Variants in CREBBP observed in about 807,000 individuals in gnomAD.
CREBBP encodes CREB-binding protein.
CREBBP carries 19 observed loss-of-function variants against 265.0 expected under a neutral mutation model. That is an observed-to-expected ratio of 0.07 (90% CI 0.05 to 0.11). CREBBP has a LOEUF of 0.11. Among genes scored for constraint, CREBBP ranks in the 10% least tolerant of loss-of-function variants. The pLI is 1.00. For synonymous variants in CREBBP, 1,457 were observed against 1,223.7 expected (o/e 1.19, Z -3.98); for missense variants, 2,525 against 3,219.0 (o/e 0.78, Z 5.22).
At chr16:3,775,865 A>G (rs1437623322) in intron 11 of CREBBP, among the ~76,000 whole-genome samples, 1 of 151,606 alleles carries the variant, frequency 6.6e-6, no homozygotes, top group African/African-American at 2.4e-5. Flanking sequence ...CCAATCCCCA[A>G]CACAGCATCC....
In CREBBP at chr16:3,739,719, A is replaced by G. The variant is rs757859569; in HGVS notation, c.4139T>C (p.Val1380Ala). 2 of 1,614,268 alleles carry G rather than the reference A, an allele frequency of 1.2e-6. No homozygotes were observed. Among genetic ancestry groups the G allele is most frequent in the Non-Finnish European group, 1.7e-6 (2 of 1,180,052 alleles). ...AGATTCAGACATTTCCCCAGAATCC[A>G]CAAACCTGAAACAAAAGCCAGAGCC... Reference protein sequence around the residue: ...EVKPGMKSRFVDSGEMSESFP... With the variant: ...EVKPGMKSRFADSGEMSESFP... Residue 1380 changes from valine (V) to alanine (A), a missense_variant, in exon 25 of 31, where the codon GTG becomes GCG. Val to Ala is a moderately conservative substitution (Grantham distance 64, BLOSUM62 0). Around this residue, in one of 19 missense-constraint regions of CREBBP, gnomAD observed 252 missense variants for 452.5 expected, o/e 0.56. Coordinates refer to ENST00000262367, the MANE Select transcript of CREBBP (RefSeq NM_004380.3).
rs528323111 is a variant in CREBBP at position 3,767,727 on chromosome 16, G to C, written c.3243C>G (p.Arg1081=). ...AATGAATAAATGGCCTACTTTTTTT[G>C]CGCGGCTGCGAAGGAGATGTTGACT... ...ASQSTSPSQP[R]KKIFKPEELR... The change falls in exon 16 of 31, where the codon CGC becomes CGG. Residue 1081 remains arginine (R), a synonymous_variant. Transcript: ENST00000262367. 6.2e-7 allele frequency: 1 copy of C among 1,614,066 alleles called. No homozygotes were observed. Among genetic ancestry groups the C allele is most frequent in the Non-Finnish European group, 8.5e-7 (1 of 1,179,998 alleles).
chr16:3,869,462 A>T (rs924767285), intron 1 of CREBBP, among the ~76,000 whole-genome samples: 16 of 152,252 alleles, frequency 1.1e-4, no homozygotes, highest in African/African-American at 3.4e-4. Flanking sequence ...ATCGTTTTAA[A>T]GGAACTTTGT....
At position 3,759,010 on chromosome 16, in the gene CREBBP, G is replaced by A. The variant is rs373290051; in HGVS notation, c.3251-38C>T. On this transcript the variant is annotated intron_variant, in intron 16 of 30. Transcript: ENST00000262367. ...CATCAAGAAAAGACACTTTGTAAAA[G>A]GTGCTCAGATCCCTCCTACCTCACA... The A allele has an allele frequency of 3.4e-5, 51 of 1,479,374 alleles. No individual in the cohort carries two copies. In the African/African-American group the frequency reaches 6.0e-4, roughly 17 times the overall value. 91.6% of individuals were successfully genotyped at this position (1,479,374 alleles called of 1,614,324 possible).
In CREBBP at chr16:3,769,187, TCCC is replaced by T. The variant is rs2052936208; in HGVS notation, c.3044_3046del (p.Gly1015del). Reference sequence around the variant, plus strand: ...AGCGGCACCCACCTCAGACCTGGGCTCCCCTTTGGATTCACCAGGATCGGGCTC... The same window carrying T: ...AGCGGCACCCACCTCAGACCTGGGCTCTTTGGATTCACCAGGATCGGGCTC... On this transcript the variant is annotated inframe_deletion, in exon 15 of 31. Coordinates refer to ENST00000262367, the MANE Select transcript of CREBBP (RefSeq NM_004380.3). 5 of 1,614,074 alleles carry T rather than the reference TCCC, an allele frequency of 3.1e-6. No individual in the cohort carries two copies. The highest frequency in any genetic ancestry group is 4.2e-6 in the Non-Finnish European group (5 of 1,180,028).
chr16:3,769,054 T>G, intron 15 of CREBBP, 120 bp downstream of exon 15: 1 of 1,163,462 alleles, frequency 8.6e-7, no homozygotes. Flanking sequence ...CGAACCCACA[T>G]TCAAACAGAA....
At chr16:3,751,485 G>C (rs995962895) in intron 20 of CREBBP, among the ~76,000 whole-genome samples, 6 of 152,052 alleles carry the variant, frequency 3.9e-5, no homozygotes, top group African/African-American at 1.2e-4. Context: ...CCAGCTACTT[G>C]AGAGGCTGAG....
intron 5 of CREBBP, among the ~76,000 whole-genome samples, chr16:3,791,008 A>T (rs2053496204): frequency 6.6e-6 from 1 of 152,178 alleles, no homozygotes; most frequent in Non-Finnish European, 1.5e-5. Flanking sequence ...AGAGGAATGA[A>T]CACGTAATAC....
At chr16:3,879,358 G>GT (rs1408328348) in intron 1 of CREBBP, among the ~76,000 whole-genome samples, 1 of 152,168 alleles carries the variant, frequency 6.6e-6, no homozygotes, top group Admixed American at 6.6e-5. Flanking sequence ...GGCGGCTGCT[G>GT]TGAGTGTCCT....
At chr16:3,801,049 C>T (rs2053702190) in intron 3 of CREBBP, among the ~76,000 whole-genome samples, 2 of 152,178 alleles carry the variant, frequency 1.3e-5, no homozygotes, top group South Asian at 2.1e-4. Context: ...ATTGAAGACA[C>T]ACACATCCCC....
chr16:3,858,997 C>A (rs1476252336), intron 1 of CREBBP, among the ~76,000 whole-genome samples: 1 of 152,194 alleles, frequency 6.6e-6, no homozygotes, highest in African/African-American at 2.4e-5. Context: ...TTCTCTTCCT[C>A]ACCCACTCCT....
At chr16:3,789,013 G>C (rs1400881785) in intron 5 of CREBBP, among the ~76,000 whole-genome samples, 2 of 152,316 alleles carry the variant, frequency 1.3e-5, no homozygotes, top group Admixed American at 1.3e-4. Flanking sequence ...AATGGTCTGG[G>C]CTTCATTTCA....
chr16:3,831,016 G>A (rs886792298), intron 2 of CREBBP, among the ~76,000 whole-genome samples: 2 of 152,172 alleles, frequency 1.3e-5, no homozygotes, highest in Admixed American at 6.5e-5. Context: ...TAAAACTCAA[G>A]TGATCTGTCC....
rs2141201890 is a variant in CREBBP, at chr16:3,770,778, G to T, written c.2672C>A (p.Pro891His). Residue 891 changes from proline to histidine, a missense_variant, in exon 14 of 31, where the codon CCT becomes CAT. Physicochemically the swap from Pro to His is moderately conservative, Grantham distance 77. Around this residue, in one of 19 missense-constraint regions of CREBBP, gnomAD observed 548 missense variants for 533.0 expected, o/e 1.03. Coordinates refer to ENST00000262367, the MANE Select transcript of CREBBP (RefSeq NM_004380.3). ...GGGAGTCTGCCCGGAAGACGACACA[G>T]GAGTTGATGGCTGAGTGGGAGCTGC... ...QPAAPTQPSTPVSSSGQTPTP... is the reference protein window; with the variant it reads ...QPAAPTQPSTHVSSSGQTPTP... The T allele has an allele frequency of 6.2e-7, 1 of 1,614,144 alleles. No individual in the cohort carries two copies. Among genetic ancestry groups the T allele is most frequent in the Non-Finnish European group, 8.5e-7 (1 of 1,180,026 alleles).
At chr16:3,826,679 C>G (rs1206590088) in intron 2 of CREBBP, among the ~76,000 whole-genome samples, 1 of 152,192 alleles carries the variant, frequency 6.6e-6, no homozygotes, top group Non-Finnish European at 1.5e-5. Flanking sequence ...CTCCTCAAAA[C>G]TGTCAAGGTC....
At chr16:3,819,355 C>T (rs1054439887) in intron 2 of CREBBP, among the ~76,000 whole-genome samples, 7 of 152,198 alleles carry the variant, frequency 4.6e-5, no homozygotes, top group Non-Finnish European at 5.9e-5. Flanking sequence ...TTCCTATATG[C>T]GAAGCACTAA....
chr16:3,773,960 T>C (rs2053076861), intron 12 of CREBBP, 30 bp from the exon 13 acceptor site: 2 of 1,611,486 alleles, frequency 1.2e-6, no homozygotes, highest in Non-Finnish European at 1.7e-6. Context: ...ACCAGAGCTG[T>C]AGTTCGGAAG....
intron 1 of CREBBP, among the ~76,000 whole-genome samples, chr16:3,861,881 G>A (rs953280647): frequency 4.6e-5 from 7 of 151,956 alleles, no homozygotes; most frequent in African/African-American, 1.7e-4. Flanking sequence ...AGAACAATGA[G>A]GTTGTACTTC....
intron 15 of CREBBP, among the ~76,000 whole-genome samples, chr16:3,768,326 T>G (rs1045891002): frequency 8.6e-5 from 13 of 151,736 alleles, no homozygotes; most frequent in Admixed American, 7.9e-4. Flanking sequence ...TTTATATTCT[T>G]GGTAGATATG....
Sources: allele counts gnomAD v4.1 joint callset (sites outside exome capture counted in the v4.1 genomes callset), GRCh38; gene constraint gnomAD v4.1.1; regional missense constraint gnomAD v4.1.1; transcripts MANE v1.5; gene names NCBI Gene and HGNC (gene_info 2026-07-23, HGNC 2026-07-21).